Variants in SEC16A observed in about 807,000 individuals in gnomAD.
The protein encoded by SEC16A is protein transport protein Sec16A.
Under a neutral mutation model 221.9 loss-of-function variants are expected in SEC16A, and 110 were observed. That is an observed-to-expected ratio of 0.50 (90% CI 0.42 to 0.58). SEC16A has a LOEUF of 0.58. Among genes scored for constraint, SEC16A ranks in the 20% least tolerant of loss-of-function variants. The probability of loss-of-function intolerance (pLI) is 0.00; values close to 1 mark genes in which losing one functional copy is unlikely to be tolerated. For synonymous variants in SEC16A, 1,393 were observed against 1,257.7 expected (o/e 1.11, Z -2.28); for missense variants, 3,165 against 3,097.8 (o/e 1.02, Z -0.52).
In SEC16A at chr9:136,447,268, G is replaced by C. The variant is rs765940476; in HGVS notation, c.6656C>G (p.Ala2219Gly). Residue 2219 changes from alanine to glycine, a missense_variant, in exon 27 of 32, where the codon GCG (alanine) becomes GGG (glycine). Around this residue, in one of 3 missense-constraint regions of SEC16A, gnomAD observed 1,088 missense variants for 1,089.6 expected, o/e 1.00. Transcript: ENST00000684901. This position sits in a 1 kb window ranked among gnomAD's most constrained non-coding sequence, Gnocchi z 5.5. ...LAPADFVAPL[A>G]PLPIPSNLFV... ...CAAGTTAGAAGGAATTGGGAGTGGC[G>C]CGAGTGGAGCGACAAAGTCCGCAGG... The C allele has an allele frequency of 4.4e-6, 7 of 1,596,890 alleles. No homozygotes were observed. The highest frequency in any genetic ancestry group is 6.0e-6 in the Non-Finnish European group (7 of 1,172,400).
intron 1 of SEC16A, 117 bp downstream of exon 1, chr9:136,482,821 G>T: frequency 4.1e-6 from 1 of 246,614 alleles, no homozygotes; most frequent in Non-Finnish European, 6.5e-6. Context: ...GCCCGCTCGG[G>T]GCTGGGCCCA....
chr9:136,465,597 G>A (rs1840036153), intron 8 of SEC16A, among the ~76,000 whole-genome samples: 1 of 152,240 alleles, frequency 6.6e-6, no homozygotes, highest in Admixed American at 6.5e-5. Context: ...CGGGACAACT[G>A]CAGGAGCGGA....
At chr9:136,478,010 C>T (rs767946511) in intron 2 of SEC16A, among the ~76,000 whole-genome samples, 13 of 152,282 alleles carry the variant, frequency 8.5e-5, no homozygotes, top group East Asian at 1.9e-4. Context: ...AGGGACAGTG[C>T]GGAACCTGAC....
chr9:136,476,122 G>C lies in SEC16A; in HGVS notation c.1494C>G (p.Pro498=), dbSNP rs1195782987. ...CGGTGTGGCACACAGCACCATGCCT[G>C]GGCACAGCTGGCCCAGGAAGGGGCC... ...RYGPLPGPAV[P]RHGAVCHTGA... Residue 498 remains proline, a synonymous_variant, in exon 3 of 32, where the codon CCC becomes CCG. Transcript: ENST00000684901. 4 of 1,613,762 alleles carry C rather than the reference G, an allele frequency of 2.5e-6. No individual in the cohort carries two copies. In the East Asian group the frequency reaches 8.9e-5, roughly 36 times the overall value.
At chr9:136,448,184 C>A in intron 23 of SEC16A, 23 bp from the exon 24 acceptor site, 1 of 1,593,434 alleles carries the variant, frequency 6.3e-7, no homozygotes, top group Non-Finnish European at 8.6e-7. Context: ...AACACGAGAA[C>A]AACTTTGAAA....
intron 22 of SEC16A, among the ~76,000 whole-genome samples, chr9:136,453,058 A>T (rs1040399754): frequency 6.7e-6 from 1 of 148,150 alleles, no homozygotes; most frequent in African/African-American, 2.5e-5. Context: ...CGACAGAGCA[A>T]GAATCTGTCT....
At chr9:136,482,458 A>G (rs922428118) in intron 1 of SEC16A, among the ~76,000 whole-genome samples, 2 of 151,854 alleles carry the variant, frequency 1.3e-5, no homozygotes, top group African/African-American at 4.8e-5. Context: ...GATCACACAC[A>G]CTCCTCTAAC....
At chr9:136,473,498 C>A (rs1423206384) in intron 3 of SEC16A, among the ~76,000 whole-genome samples, 1 of 152,266 alleles carries the variant, frequency 6.6e-6, no homozygotes, top group Admixed American at 6.5e-5. Flanking sequence ...CAGCCGGTCC[C>A]CGAGCCGCTG....
chr9:136,466,307 C>G lies in SEC16A; in HGVS notation c.4085G>C (p.Ser1362Thr). The G allele has an allele frequency of 6.4e-7, 1 of 1,568,850 alleles. No homozygotes were observed. Among genetic ancestry groups the G allele is most frequent in the Non-Finnish European group, 8.6e-7 (1 of 1,157,630 alleles). Residue 1362 changes from serine (S) to threonine (T), a missense_variant, in exon 7 of 32, where the codon AGC becomes ACC. This residue lies in a region of SEC16A where 2,030 missense variants were observed against 1,923.1 expected (regional missense o/e 1.06). Coordinates refer to ENST00000684901, the MANE Select transcript of SEC16A (RefSeq NM_014866.2). This position sits in a 1 kb window ranked among gnomAD's most constrained non-coding sequence, Gnocchi z 5.5. ...HSARSLHSAH[S>T]LASRRSSLSS... ...GAGGCTGCTGCGGCGGCTGGCCAGGCTGTGTGCGCTGTGCAGGCTCCGTGC... is the reference window on the plus strand; with the variant it reads ...GAGGCTGCTGCGGCGGCTGGCCAGGGTGTGTGCGCTGTGCAGGCTCCGTGC...
At chr9:136,457,322 GT>G in intron 18 of SEC16A, 121 bp downstream of exon 18, 3 of 1,126,132 alleles carry the variant, frequency 2.7e-6, no homozygotes, top group Non-Finnish European at 3.7e-6. Context: ...CAAGAGGCAG[GT>G]TCTGAGCGCC....
Position 136,446,982 on chromosome 9 carries a change from C to T in SEC16A, c.6698-33G>A, listed in dbSNP as rs762757544. On this transcript the variant is annotated intron_variant, in intron 27 of 31. Coordinates refer to ENST00000684901, the MANE Select transcript of SEC16A (RefSeq NM_014866.2). Reference sequence around the variant, plus strand: ...TGAGAGAGCGAGGAGGCCATCATTCCGTCCCGAACGTCCCTGGGGTCTCAC... The same window carrying T: ...TGAGAGAGCGAGGAGGCCATCATTCTGTCCCGAACGTCCCTGGGGTCTCAC... 4.3e-5 allele frequency: 70 copies of T among 1,613,144 alleles called. No individual in the cohort carries two copies. The South Asian group carries it at 5.5e-4, about 13-fold the overall frequency.
Position 136,459,853 on chromosome 9 carries a change from C to T in SEC16A, c.5095G>A (p.Gly1699Arg), listed in dbSNP as rs745321461. The change falls in exon 15 of 32, where the codon GGA becomes AGA. Residue 1699 changes from glycine to arginine, a missense_variant. Gly to Arg is a moderately radical substitution (Grantham distance 125). Coordinates refer to ENST00000684901, the MANE Select transcript of SEC16A (RefSeq NM_014866.2). The surrounding 1 kb of genome is among the most constrained non-coding windows in gnomAD (Gnocchi z 6.1). Reference sequence around the variant, plus strand: ...ATGGCGAGGTGCGGCCTCCAATCTCCCCATTTCTCGTCTCCACAGCACTAA... The same window carrying T: ...ATGGCGAGGTGCGGCCTCCAATCTCTCCATTTCTCGTCTCCACAGCACTAA... ...ASTCCGDEKWGDWRPHLAMVL... is the reference protein window; with the variant it reads ...ASTCCGDEKWRDWRPHLAMVL... 21 of 1,613,572 alleles carry T rather than the reference C, an allele frequency of 1.3e-5. No homozygotes were observed. Among genetic ancestry groups the T allele is most frequent in the Non-Finnish European group, 1.8e-5 (21 of 1,179,728 alleles).
In SEC16A at chr9:136,445,664, T is replaced by C; in HGVS notation, c.6848A>G (p.Glu2283Gly). 7 of 1,551,502 alleles carry C rather than the reference T, an allele frequency of 4.5e-6. No individual in the cohort carries two copies. Among genetic ancestry groups the C allele is most frequent in the Non-Finnish European group, 6.1e-6 (7 of 1,147,440 alleles). The change falls in exon 29 of 32, where the codon GAG (glutamate) becomes GGG (glycine). Residue 2283 changes from glutamate (E) to glycine (G), a missense_variant. By Grantham distance (98) the Glu-to-Gly change is moderately conservative. Around this residue, in one of 3 missense-constraint regions of SEC16A, gnomAD observed 1,088 missense variants for 1,089.6 expected, o/e 1.00. Transcript: ENST00000684901. ...PGSELPSSRP[E>G]GSQGGELSRC... Reference sequence around the variant, plus strand: ...CCTTACCTCTCCTCCCTGGGAACCCTCAGGCCTGGAGGAGGGGAGTTCAGA... The same window carrying C: ...CCTTACCTCTCCTCCCTGGGAACCCCCAGGCCTGGAGGAGGGGAGTTCAGA...
At chr9:136,456,000 G>T in intron 19 of SEC16A, 53 bp downstream of exon 19, 4 of 1,439,130 alleles carry the variant, frequency 2.8e-6, no homozygotes, top group South Asian at 1.2e-5. Context: ...AAATGACAGG[G>T]ACAGAAGCCA....
rs1838561746 is a variant in SEC16A at position 136,455,779 on chromosome 9, T to C, written c.5679A>G (p.Val1893=). ...VERQIKEGAG[V]WHQDGALPQQ... is the part of the protein sequence containing the mutation. ...GCGGGAGGGCTCCATCCTGATGCCA[T>C]ACTCCAGCCCCCTCCTGAGGGAGAA... The change falls in exon 20 of 32, where the codon GTA becomes GTG. Residue 1893 remains valine, a synonymous_variant. Transcript: ENST00000684901. 1 of 1,599,600 alleles carries C rather than the reference T, an allele frequency of 6.3e-7. No homozygotes were observed. Among genetic ancestry groups the C allele is most frequent in the East Asian group, 2.3e-5 (1 of 44,000 alleles).
intron 17 of SEC16A, among the ~76,000 whole-genome samples, 188 bp downstream of exon 17, chr9:136,458,946 C>T (rs562203086): frequency 2.1e-4 from 32 of 152,124 alleles, no homozygotes; most frequent in Non-Finnish European, 3.7e-4. Context: ...CAAATGCAAA[C>T]GGAAAGCCTC....
Position 136,476,463 on chromosome 9 carries a change from C to T in SEC16A, c.1153G>A (p.Glu385Lys). Residue 385 changes from glutamate (E) to lysine (K), a missense_variant, in exon 3 of 32, where the codon GAG becomes AAG. By Grantham distance (56) the Glu-to-Lys change is moderately conservative. Coordinates refer to ENST00000684901, the MANE Select transcript of SEC16A (RefSeq NM_014866.2). ...FFQGGETENE[E>K]NLSSEKAGLS... ...CCTGCTTTTTCAGATGAGAGATTCT[C>T]CTCATTTTCTGTCTCTCCCCCTTGG... The T allele has an allele frequency of 6.2e-7, 1 of 1,613,040 alleles. No homozygotes were observed. The highest frequency in any genetic ancestry group is 8.5e-7 in the Non-Finnish European group (1 of 1,179,750).
chr9:136,475,697 A>G lies in SEC16A; in HGVS notation c.1919T>C (p.Val640Ala). Residue 640 changes from valine (V) to alanine (A), a missense_variant, in exon 3 of 32, where the codon GTC becomes GCC. Coordinates refer to ENST00000684901, the MANE Select transcript of SEC16A (RefSeq NM_014866.2). The surrounding 1 kb of genome is among the most constrained non-coding windows in gnomAD (Gnocchi z 5.0). ...NVVGEVRETC[V>A]RQKQCRPAAA... ...AGCTGGTCTGCACTGCTTCTGGCGG[A>G]CACAGGTCTCCCTTACTTCACCAAC... 1 of 1,613,588 alleles carries G rather than the reference A, an allele frequency of 6.2e-7. No homozygotes were observed. The highest frequency in any genetic ancestry group is 8.5e-7 in the Non-Finnish European group (1 of 1,179,762).
chr9:136,446,518 A>G, intron 28 of SEC16A, among the ~76,000 whole-genome samples: 1 of 151,580 alleles, frequency 6.6e-6, no homozygotes, highest in East Asian at 1.9e-4. Flanking sequence ...TGTAACTTAG[A>G]GTAATTAATT....
Sources: gnomAD v4.1 joint callset for allele counts (sites outside exome capture counted in the v4.1 genomes callset) on GRCh38, gnomAD v4.1.1 for gene constraint, gnomAD v4.1.1 regional missense constraint, Gnocchi (gnomAD v3.1) non-coding constraint, MANE v1.5 for transcripts, NCBI Gene and HGNC (gene_info 2026-07-23, HGNC 2026-07-21) for gene names.